PSD3: variants seen among roughly 807,000 people sequenced by gnomAD.
The protein encoded by PSD3 is pleckstrin and Sec7 domain containing 3, also known as PH and SEC7 domain-containing protein 3.
PSD3 carries 49 observed loss-of-function variants against 105.5 expected under a neutral mutation model. The observed-to-expected ratio is 0.46, with a 90% confidence interval of 0.37 to 0.59. The LOEUF is 0.59. PSD3 is among the 20% of genes least tolerant of loss of function. PSD3 has a pLI of 0.00. For missense variants in PSD3, 1,561 were observed against 1,263.8 expected, an observed-to-expected ratio of 1.24 and a Z score of -3.57; for synonymous variants, 557 against 457.8, an observed-to-expected ratio of 1.22 and a Z score of -2.77.
At chr8:18,929,852 T>G (rs546279051) in intron 2 of PSD3, among the ~76,000 whole-genome samples, 6 of 152,172 alleles carry the variant, frequency 3.9e-5, no homozygotes, top group African/African-American at 1.2e-4. Context: ...TTTAGAGAGA[T>G]TCAAAATAAT....
At chr8:19,024,717 C>A (rs1349204112) in intron 1 of PSD3, among the ~76,000 whole-genome samples, 2 of 151,942 alleles carry the variant, frequency 1.3e-5, no homozygotes, top group African/African-American at 2.4e-5. Context: ...GAGAGGGGGT[C>A]TGGAGATTAA....
At chr8:18,792,382 C>T in intron 8 of PSD3, among the ~76,000 whole-genome samples, 1 of 152,026 alleles carries the variant, frequency 6.6e-6, no homozygotes, top group Non-Finnish European at 1.5e-5. Flanking sequence ...CATGCAGCCA[C>T]AAAAAGAGAA....
intron 1 of PSD3, among the ~76,000 whole-genome samples, chr8:19,072,151 G>A (rs995647296): frequency 2.2e-4 from 33 of 149,066 alleles, no homozygotes; most frequent in Non-Finnish European, 4.0e-4. Flanking sequence ...GCCCAGGCTA[G>A]AGTGCAGTGG....
At chr8:18,547,074 C>T (rs1800492658) in intron 15 of PSD3, among the ~76,000 whole-genome samples, 1 of 152,116 alleles carries the variant, frequency 6.6e-6, no homozygotes, top group Non-Finnish European at 1.5e-5. Context: ...ATTAATTTGT[C>T]TCGTGTGCAG....
At chr8:19,011,909 A>G (rs1826969746) in intron 1 of PSD3, among the ~76,000 whole-genome samples, 1 of 152,216 alleles carries the variant, frequency 6.6e-6, no homozygotes. Context: ...ACACAAACAG[A>G]TATTTAGAAT....
At chr8:19,067,637 G>A (rs1410783444) in intron 1 of PSD3, among the ~76,000 whole-genome samples, 2 of 152,152 alleles carry the variant, frequency 1.3e-5, no homozygotes, top group East Asian at 3.9e-4. Flanking sequence ...TCACAAGCCA[G>A]CAGCAAGGGG....
intron 1 of PSD3, among the ~76,000 whole-genome samples, chr8:19,069,111 G>A (rs1829171357): frequency 6.6e-6 from 1 of 152,144 alleles, no homozygotes; most frequent in South Asian, 2.1e-4. Context: ...CAGAAAAATA[G>A]CCACCCAGTG....
chr8:18,996,135 AT>A (rs1271327297), intron 1 of PSD3, among the ~76,000 whole-genome samples: 1 of 151,146 alleles, frequency 6.6e-6, no homozygotes, highest in Admixed American at 6.6e-5. Context: ...CTTATTACCC[AT>A]CTGTTGCCCT....
intron 2 of PSD3, among the ~76,000 whole-genome samples, chr8:18,898,601 T>A (rs1010379933): frequency 6.6e-6 from 1 of 152,220 alleles, no homozygotes; most frequent in Admixed American, 6.5e-5. Context: ...TAGCCTACTA[T>A]TGACTAGAAG....
intron 2 of PSD3, among the ~76,000 whole-genome samples, chr8:18,934,238 T>C (rs970740797): frequency 2.6e-5 from 4 of 152,178 alleles, no homozygotes; most frequent in Non-Finnish European, 5.9e-5. Flanking sequence ...GTCAGATTCT[T>C]GGTCTTCCCA....
chr8:18,943,888 C>A (rs1822705444), intron 1 of PSD3, among the ~76,000 whole-genome samples: 1 of 151,848 alleles, frequency 6.6e-6, no homozygotes, highest in South Asian at 2.1e-4. Flanking sequence ...CTATACTTCA[C>A]CATGCAAGCA....
chr8:18,801,883 G>A (rs959656553), intron 6 of PSD3, among the ~76,000 whole-genome samples: 1 of 152,042 alleles, frequency 6.6e-6, no homozygotes. Context: ...AGAGTGGTCA[G>A]TACATCAAGA....
chr8:19,065,675 C>T (rs1166590043), intron 1 of PSD3, among the ~76,000 whole-genome samples: 1 of 152,192 alleles, frequency 6.6e-6, no homozygotes, highest in Admixed American at 6.5e-5. Flanking sequence ...ATGGATCTCC[C>T]ATCCCTTACA....
chr8:19,069,754 TA>T (rs1829192324), intron 1 of PSD3, among the ~76,000 whole-genome samples: 1 of 152,160 alleles, frequency 6.6e-6, no homozygotes, highest in Non-Finnish European at 1.5e-5. Context: ...ATCACTCAGC[TA>T]GCTGGACTTC....
chr8:18,628,506 T>A (rs973005894), intron 11 of PSD3, among the ~76,000 whole-genome samples: 1 of 151,782 alleles, frequency 6.6e-6, no homozygotes, highest in Non-Finnish European at 1.5e-5. Context: ...TTCCTAAAAT[T>A]AAGGTGAAAA....
chr8:19,034,731 G>A (rs779915122), intron 1 of PSD3, among the ~76,000 whole-genome samples: 3 of 152,106 alleles, frequency 2.0e-5, no homozygotes, highest in Admixed American at 2.0e-4. Context: ...GACTCCAGAC[G>A]AGGCCTTCAC....
chr8:18,670,202 G>C (rs553429218), intron 9 of PSD3, among the ~76,000 whole-genome samples: 9 of 152,286 alleles, frequency 5.9e-5, no homozygotes, highest in African/African-American at 2.2e-4. Context: ...TGTGGGGAGC[G>C]AGGTAAGCAG....
chr8:18,748,727 G>C (rs1422539739), intron 9 of PSD3, among the ~76,000 whole-genome samples: 1 of 151,010 alleles, frequency 6.6e-6, no homozygotes, highest in African/African-American at 2.4e-5. Flanking sequence ...GTTATAATAC[G>C]GCAGTAATGT....
intron 2 of PSD3, among the ~76,000 whole-genome samples, chr8:18,875,508 C>T (rs973171472): frequency 3.3e-5 from 5 of 151,760 alleles, no homozygotes; most frequent in African/African-American, 1.2e-4. Context: ...ATTCACAAAA[C>T]TGTACAACTA....
Sources: allele counts gnomAD v4.1 joint callset (sites outside exome capture counted in the v4.1 genomes callset), GRCh38; gene constraint gnomAD v4.1.1; transcripts MANE v1.5; gene names NCBI Gene and HGNC (gene_info 2026-07-23, HGNC 2026-07-21).